Variants in SPTBN4 observed in about 807,000 individuals in gnomAD.
SPTBN4 encodes spectrin beta, non-erythrocytic 4.
A neutral mutation model predicts 277.8 loss-of-function variants in SPTBN4; 96 were observed. The ratio of observed to expected loss-of-function variants is 0.35; its 90% CI spans 0.29 to 0.41. The LOEUF is 0.41. SPTBN4 is among the 10% of genes least tolerant of loss of function. The probability of loss-of-function intolerance (pLI) is 1.00; values close to 1 mark genes in which losing one functional copy is unlikely to be tolerated. For missense variants in SPTBN4, 3,006 were observed against 3,595.7 expected (o/e 0.84, Z 4.19); for synonymous variants, 1,481 against 1,580.3 (o/e 0.94, Z 1.49).
Position 40,572,093 on chromosome 19 carries a change from C to T in SPTBN4, c.7394C>T (p.Ser2465Phe). Reference protein sequence around the residue: ...GFYKDSKGPASGSTHGGEPLL... With the variant: ...GFYKDSKGPAFGSTHGGEPLL... The stretch of plus-strand genomic sequence containing the variant: ...TACAAGGACTCCAAGGGCCCGGCAT[C>T]CGGGAGCACACACGGTGGGGAACCG... The change falls in exon 34 of 36, where the codon TCC (serine) becomes TTC (phenylalanine). Residue 2465 changes from serine to phenylalanine, a missense_variant. Ser to Phe is a radical substitution (Grantham distance 155). Transcript: ENST00000598249. 1 of 1,613,234 alleles carries T rather than the reference C, an allele frequency of 6.2e-7. No homozygotes were observed. The highest frequency in any genetic ancestry group is 8.5e-7 in the Non-Finnish European group (1 of 1,179,580).
At chr19:40,494,826 CTG>C in intron 5 of SPTBN4, 69 bp from the exon 6 acceptor site, 2 of 1,373,398 alleles carry the variant, frequency 1.5e-6, no homozygotes, top group Non-Finnish European at 2.1e-6. Flanking sequence ...CGGTCTCCCT[CTG>C]TCTTTTTCCC....
At chr19:40,569,866 G>T in intron 32 of SPTBN4, 140 bp downstream of exon 32, 1 of 759,104 alleles carries the variant, frequency 1.3e-6, no homozygotes, top group Non-Finnish European at 2.0e-6. Flanking sequence ...GGACTCTCAG[G>T]GTCCCCAGAA....
At chr19:40,549,761 G>A (rs1476486447) in intron 21 of SPTBN4, among the ~76,000 whole-genome samples, 1 of 152,134 alleles carries the variant, frequency 6.6e-6, no homozygotes, top group East Asian at 1.9e-4. Flanking sequence ...GATCATTCTA[G>A]CCCCAGCCCT....
chr19:40,538,929 T>C (rs1241671075), intron 20 of SPTBN4, among the ~76,000 whole-genome samples: 1 of 152,052 alleles, frequency 6.6e-6, no homozygotes, highest in African/African-American at 2.4e-5. Flanking sequence ...ACCTTGTGTT[T>C]TCATTTTGCA....
At chr19:40,534,385 T>TGG (rs1364800201) in intron 20 of SPTBN4, 42 bp downstream of exon 20, 1 of 1,598,306 alleles carries the variant, frequency 6.3e-7, no homozygotes, top group Non-Finnish European at 8.5e-7. Context: ...CTATGCCACA[T>TGG]GGGGGCCAGG....
At chr19:40,498,063 T>C (rs1396329629) in intron 7 of SPTBN4, among the ~76,000 whole-genome samples, 1 of 151,312 alleles carries the variant, frequency 6.6e-6, no homozygotes, top group South Asian at 2.1e-4. Context: ...TCCATTCCTA[T>C]CCCCACCCTA....
chr19:40,543,196 A>C (rs1222820125), intron 20 of SPTBN4, among the ~76,000 whole-genome samples: 1 of 152,032 alleles, frequency 6.6e-6, no homozygotes, highest in Non-Finnish European at 1.5e-5. Flanking sequence ...CACACCTGTA[A>C]TCCCACACTT....
At position 40,497,609 on chromosome 19, in the gene SPTBN4, G is replaced by A; in HGVS notation, c.784+5G>A. On this transcript the variant is annotated splice_donor_5th_base_variant and intron_variant, in intron 7 of 35. Coordinates refer to ENST00000598249, the MANE Select transcript of SPTBN4 (RefSeq NM_020971.3). Reference sequence around the variant, plus strand: ...CGCGGCTGCTGGATCCTGAAGGTGAGCCTCTCGCGGGCCCAGCCCAGACTT... The same window carrying A: ...CGCGGCTGCTGGATCCTGAAGGTGAACCTCTCGCGGGCCCAGCCCAGACTT... The A allele has an allele frequency of 6.2e-7, 1 of 1,612,286 alleles. No individual in the cohort carries two copies. Among genetic ancestry groups the A allele is most frequent in the South Asian group, 1.1e-5 (1 of 91,066 alleles).
At chr19:40,570,753 A>G in intron 33 of SPTBN4, 25 bp downstream of exon 33, 3 of 1,597,856 alleles carry the variant, frequency 1.9e-6, no homozygotes, top group Non-Finnish European at 2.6e-6. Context: ...GGGGCTTTGG[A>G]AGGCGGGTCT....
chr19:40,569,765 C>CT, intron 32 of SPTBN4, 39 bp downstream of exon 32: 1 of 1,575,390 alleles, frequency 6.3e-7, no homozygotes, highest in Admixed American at 1.9e-5. Context: ...AGGAGGACCC[C>CT]TTTTTCAGAG....
At chr19:40,503,040 G>T (rs2080282052) in intron 11 of SPTBN4, 107 bp downstream of exon 11, 2 of 1,391,220 alleles carry the variant, frequency 1.4e-6, no homozygotes, top group Admixed American at 4.7e-5. Context: ...GGAAGAGTTA[G>T]ATTAGTCTCC....
At chr19:40,517,348 G>A (rs2080472551) in intron 15 of SPTBN4, among the ~76,000 whole-genome samples, 1 of 151,502 alleles carries the variant, frequency 6.6e-6, no homozygotes, top group African/African-American at 2.4e-5. Flanking sequence ...GGAGTGCAGT[G>A]GTACGATCAT....
At chr19:40,565,843 C>T (rs2081086238) in intron 29 of SPTBN4, 98 bp downstream of exon 29, 20 of 1,336,780 alleles carry the variant, frequency 1.5e-5, no homozygotes, top group Non-Finnish European at 2.1e-5. Context: ...TGCTTTGCAC[C>T]CTACCCATGG....
In SPTBN4 at chr19:40,490,012, G is replaced by C; in HGVS notation, c.322-63G>C. 1.4e-6 allele frequency: 2 copies of C among 1,474,098 alleles called. No homozygotes were observed. The highest frequency in any genetic ancestry group is 1.8e-6 in the Non-Finnish European group (2 of 1,109,278). 91.3% of individuals were successfully genotyped at this position (1,474,098 alleles called of 1,614,324 possible). A position where few individuals can be genotyped will look rare whatever the true frequency, so the allele number is the denominator to read the frequency against. On this transcript the variant is annotated intron_variant, in intron 3 of 35. Coordinates refer to ENST00000598249, the MANE Select transcript of SPTBN4 (RefSeq NM_020971.3). The surrounding 1 kb of genome is among the most constrained non-coding windows in gnomAD (Gnocchi z 4.3). ...GGCGGGCTTCTTTGGAAGCTGCGGGGCCGAGGGCGCCATACTCCTGTCTGT... is the reference window on the plus strand; with the variant it reads ...GGCGGGCTTCTTTGGAAGCTGCGGGCCCGAGGGCGCCATACTCCTGTCTGT...
chr19:40,523,715 C>A, intron 17 of SPTBN4, 76 bp downstream of exon 17: 1 of 1,381,122 alleles, frequency 7.2e-7, no homozygotes, highest in South Asian at 1.4e-5. Context: ...GTGTGGGAGG[C>A]CAGGGTCCCA....
Position 40,570,459 on chromosome 19 carries a change from G to A in SPTBN4, c.7050G>A (p.Glu2350=). 1 of 1,565,082 alleles carries A rather than the reference G, an allele frequency of 6.4e-7. No individual in the cohort carries two copies. The highest frequency in any genetic ancestry group is 8.6e-7 in the Non-Finnish European group (1 of 1,164,650). The part of the protein sequence containing the change: ...PAGPSLPQPR[E]LPPGRLPNGL... ...AGCCGTCGCTGCCTCAGCCACGCGA[G>A]CTTCCCCCAGGTCGCCTGCCCAACG... Residue 2350 remains glutamate, a synonymous_variant, in exon 33 of 36, where the codon GAG becomes GAA. Transcript: ENST00000598249.
chr19:40,513,044 G>C lies in SPTBN4; in HGVS notation c.2255G>C (p.Arg752Pro). 1 of 1,420,464 alleles carries C rather than the reference G, an allele frequency of 7.0e-7. No individual in the cohort carries two copies. The highest frequency in any genetic ancestry group is 9.1e-7 in the Non-Finnish European group (1 of 1,094,258). 88.0% of individuals were successfully genotyped at this position (1,420,464 alleles called of 1,614,324 possible). ...CTGGCGGAGCGCGCGGCGAGCGCCC[G>C]GCGCCGCTGGCAGAGGCTGGAAGAG... is the stretch of plus-strand genomic sequence containing the variant. ...VGLAERAASA[R>P]RRWQRLEEAA... The change falls in exon 14 of 36, where the codon CGG (arginine) becomes CCG (proline). Residue 752 changes from arginine to proline, a missense_variant. Around this residue, in one of 5 missense-constraint regions of SPTBN4, gnomAD observed 1,759 missense variants for 2,061.5 expected, o/e 0.85. Coordinates refer to ENST00000598249, the MANE Select transcript of SPTBN4 (RefSeq NM_020971.3).
At chr19:40,536,089 G>C (rs2080732189) in intron 20 of SPTBN4, among the ~76,000 whole-genome samples, 1 of 152,138 alleles carries the variant, frequency 6.6e-6, no homozygotes, top group African/African-American at 2.4e-5. Flanking sequence ...ATTCTGGTTG[G>C]GGGAACAAGC....
chr19:40,554,216 G>A lies in SPTBN4; in HGVS notation c.4744G>A (p.Ala1582Thr). Residue 1582 changes from alanine (A) to threonine (T), a missense_variant, in exon 23 of 36, where the codon GCG becomes ACG. This residue lies in a region of SPTBN4 where 1,759 missense variants were observed against 2,061.5 expected (regional missense o/e 0.85). Coordinates refer to ENST00000598249, the MANE Select transcript of SPTBN4 (RefSeq NM_020971.3). This position sits in a 1 kb window ranked among gnomAD's most constrained non-coding sequence, Gnocchi z 5.7. ...EEVLERAGAL[A>T]SLRSPEAEAV... ...GGTGCTGGAGCGCGCGGGCGCGCTG[G>A]CGTCGCTGCGCAGCCCGGAGGCAGA... 1.3e-6 allele frequency: 2 copies of A among 1,489,624 alleles called. No homozygotes were observed. The highest frequency in any genetic ancestry group is 8.8e-7 in the Non-Finnish European group (1 of 1,131,580). 92.3% of individuals were successfully genotyped at this position (1,489,624 alleles called of 1,614,324 possible). A position where few individuals can be genotyped will look rare whatever the true frequency, so the allele number is the denominator to read the frequency against.
Sources: gnomAD v4.1 joint callset for allele counts (sites outside exome capture counted in the v4.1 genomes callset) on GRCh38, gnomAD v4.1.1 for gene constraint, gnomAD v4.1.1 regional missense constraint, Gnocchi (gnomAD v3.1) non-coding constraint, MANE v1.5 for transcripts, NCBI Gene and HGNC (gene_info 2026-07-23, HGNC 2026-07-21) for gene names.